The following CD72 variants were observed in gnomAD, a reference collection of about 807,000 sequenced individuals.
The protein encoded by CD72 is B-cell differentiation antigen CD72.
A neutral mutation model predicts 50.7 loss-of-function variants in CD72; 28 were observed. The observed-to-expected ratio is 0.55, with a 90% CI of 0.41 to 0.76. The LOEUF is 0.76. Among genes scored for constraint, CD72 ranks in the 30% least tolerant of loss-of-function variants. The pLI is 0.00. For synonymous variants in CD72, 176 were observed against 171.2 expected (o/e 1.03, Z -0.22); for missense variants, 403 against 420.6 (o/e 0.96, Z 0.37).
chr9:35,631,199 G>A (rs1823242812), intron 1 of CD72, among the ~76,000 whole-genome samples: 1 of 151,680 alleles, frequency 6.6e-6, no homozygotes, highest in African/African-American at 2.4e-5. Flanking sequence ...AAATTATATT[G>A]CTTTTTACTA....
Position 35,618,335 on chromosome 9 carries a change from C to G in CD72, c.-32G>C. 1.2e-6 allele frequency: 2 copies of G among 1,613,864 alleles called. No homozygotes were observed. The highest frequency in any genetic ancestry group is 1.7e-6 in the Non-Finnish European group (2 of 1,179,880). On this transcript the variant is annotated 5_prime_UTR_variant, in exon 1 of 9. Transcript: ENST00000259633. ...GAGCAGCTCTGCCCCCACTCGTCTT[C>G]CCTGTCATCCACTGTCCTCCCTTGC...
At chr9:35,615,023 G>T (rs1823044616) in intron 5 of CD72, among the ~76,000 whole-genome samples, 2 of 152,118 alleles carry the variant, frequency 1.3e-5, no homozygotes, top group Admixed American at 6.6e-5. Context: ...GATCAAAAAA[G>T]TGTGGGGAAA....
intron 5 of CD72, among the ~76,000 whole-genome samples, chr9:35,615,025 G>A (rs765386527): frequency 6.6e-6 from 1 of 152,120 alleles, no homozygotes. Flanking sequence ...TCAAAAAAGT[G>A]TGGGGAAAAC....
At chr9:35,621,261 C>T (rs1384839544), upstream of CD72, among the ~76,000 whole-genome samples, 1 of 152,194 alleles carries the variant, frequency 6.6e-6, no homozygotes, top group Non-Finnish European at 1.5e-5. Context: ...GTTTTGCCCT[C>T]TCCTGGCCTC....
At chr9:35,624,882 A>G (rs916597545) in intron 1 of CD72, among the ~76,000 whole-genome samples, 15 of 152,240 alleles carry the variant, frequency 9.9e-5, no homozygotes, top group African/African-American at 2.7e-4. Context: ...TTGGAGCACC[A>G]TGAACCATAC....
chr9:35,636,758 G>C (rs1288251708), intron 1 of CD72, among the ~76,000 whole-genome samples: 2 of 152,208 alleles, frequency 1.3e-5, no homozygotes, highest in East Asian at 3.8e-4. Flanking sequence ...GAGAGTATCT[G>C]AGTCTTGGAA....
rs945654277 is a variant in CD72, at chr9:35,637,661, G to T, written n.408+8742C>A. Among the ~76,000 whole-genome samples the T allele has an allele frequency of 3.4e-4, 52 of 152,168 alleles. 3 individuals are homozygous for T. The highest frequency in any genetic ancestry group is 1.5e-5 in the Non-Finnish European group (1 of 68,028). Reference sequence around the variant, plus strand: ...AACTCCGGCGCTGGTCATGGACTCAGGAAGACAGCCTTCCCTTGGTGTCTA... The same window carrying T: ...AACTCCGGCGCTGGTCATGGACTCATGAAGACAGCCTTCCCTTGGTGTCTA... On this transcript the variant is annotated intron_variant and non_coding_transcript_variant, in intron 1 of 3. Coordinates refer to the CD72 transcript ENST00000465754.
chr9:35,630,269 C>T (rs1358609421), intron 1 of CD72, among the ~76,000 whole-genome samples: 1 of 152,076 alleles, frequency 6.6e-6, no homozygotes, highest in African/African-American at 2.4e-5. Flanking sequence ...AACTCCTGAC[C>T]TCAGGTGATC....
At chr9:35,615,181 A>G (rs1043705323) in intron 5 of CD72, among the ~76,000 whole-genome samples, 2 of 152,124 alleles carry the variant, frequency 1.3e-5, no homozygotes, top group Admixed American at 1.3e-4. Context: ...AAGGTTAAGG[A>G]AATGAGGGCA....
intron 1 of CD72, among the ~76,000 whole-genome samples, chr9:35,628,155 C>T (rs1169104761): frequency 7.2e-5 from 11 of 152,098 alleles, no homozygotes; most frequent in Admixed American, 7.2e-4. Context: ...AAAAAAGAGA[C>T]AGGGGTCTTG....
upstream of CD72, among the ~76,000 whole-genome samples, chr9:35,620,599 G>A (rs1823138651): frequency 6.6e-6 from 1 of 152,192 alleles, no homozygotes; most frequent in Non-Finnish European, 1.5e-5. Flanking sequence ...GGGAGGCTGA[G>A]GTGGGCGGAT....
intron 1 of CD72, among the ~76,000 whole-genome samples, chr9:35,632,136 G>T (rs557152042): frequency 1.3e-5 from 2 of 151,376 alleles, no homozygotes; most frequent in East Asian, 3.9e-4. Flanking sequence ...TTTTCAAATT[G>T]GTTGATTTTC....
chr9:35,612,049 C>T, intron 6 of CD72, 130 bp from the exon 7 acceptor site: 1 of 605,920 alleles, frequency 1.7e-6, no homozygotes, highest in Non-Finnish European at 3.0e-6. Flanking sequence ...GGTAACTTGT[C>T]CCTGAATCCA....
At chr9:35,637,398 C>T (rs891381617) in intron 1 of CD72, among the ~76,000 whole-genome samples, 1 of 152,200 alleles carries the variant, frequency 6.6e-6, no homozygotes, top group African/African-American at 2.4e-5. Context: ...GTCCCCTGTC[C>T]TCGCCCTAAC....
chr9:35,610,559 G>T, intron 8 of CD72, 43 bp downstream of exon 8: 7 of 1,454,354 alleles, frequency 4.8e-6, no homozygotes, highest in Middle Eastern at 1.8e-4. Flanking sequence ...GAGTCCCTCT[G>T]CCCCTGGACT....
At chr9:35,633,838 G>A (rs999085774) in intron 1 of CD72, among the ~76,000 whole-genome samples, 11 of 152,170 alleles carry the variant, frequency 7.2e-5, no homozygotes, top group South Asian at 2.1e-4. Context: ...TAAACCCATC[G>A]TAAAGTCAAA....
At chr9:35,620,799 G>A (rs1380706044), upstream of CD72, among the ~76,000 whole-genome samples, 1 of 152,120 alleles carries the variant, frequency 6.6e-6, no homozygotes, top group Admixed American at 6.5e-5. Context: ...GGGCCACAGA[G>A]TGAGACTCTG....
intron 1 of CD72, among the ~76,000 whole-genome samples, chr9:35,635,263 A>G (rs933755775): frequency 6.6e-6 from 1 of 152,096 alleles, no homozygotes; most frequent in Admixed American, 6.5e-5. Flanking sequence ...GAGAAATTTC[A>G]TCTATTATTT....
upstream of CD72, among the ~76,000 whole-genome samples, chr9:35,620,960 C>G (rs375782487): frequency 9.9e-4 from 151 of 152,300 alleles, 1 homozygote; most frequent in African/African-American, 3.3e-3. Flanking sequence ...CATCACAGGC[C>G]GCATTCGCTT....
Sources: allele counts gnomAD v4.1 joint callset (sites outside exome capture counted in the v4.1 genomes callset), GRCh38; gene constraint gnomAD v4.1.1; transcripts MANE v1.5; gene names NCBI Gene and HGNC (gene_info 2026-07-23, HGNC 2026-07-21).